The following ANGEL1 variants were observed in gnomAD, a reference collection of about 807,000 sequenced individuals.
ANGEL1 encodes the protein RNA 2',3'-cyclic phosphatase ANGEL1.
In ANGEL1, 62 loss-of-function variants were observed where a neutral mutation model predicts 76.4. The observed-to-expected ratio is 0.81, with a 90% CI of 0.66 to 1.00. The LOEUF (loss-of-function observed/expected upper bound fraction) is 1.00. ANGEL1 is among the 50% of genes least tolerant of loss of function. The probability of loss-of-function intolerance (pLI) is 0.00; values close to 1 mark genes in which losing one functional copy is unlikely to be tolerated. For missense variants in ANGEL1, 737 were observed against 836.7 expected, an observed-to-expected ratio of 0.88 and a Z score of 1.47; for synonymous variants, 340 against 331.7, an observed-to-expected ratio of 1.03 and a Z score of -0.27.
At chr14:76,799,436 G>C (rs1035504283) in intron 7 of ANGEL1, among the ~76,000 whole-genome samples, 1 of 151,764 alleles carries the variant, frequency 6.6e-6, no homozygotes, top group African/African-American at 2.4e-5. Context: ...TGGGACTACA[G>C]GCGCCCGCCA....
chr14:76,791,738 C>G (rs938551164), intron 7 of ANGEL1, among the ~76,000 whole-genome samples: 2 of 152,216 alleles, frequency 1.3e-5, no homozygotes, highest in African/African-American at 4.8e-5. Flanking sequence ...CCAGAAGCCA[C>G]CAATGTTACC....
intron 1 of ANGEL1, 28 bp from the exon 2 acceptor site, chr14:76,809,671 A>C (rs1309593413): frequency 1.3e-6 from 2 of 1,580,278 alleles, no homozygotes; most frequent in Non-Finnish European, 1.7e-6. Flanking sequence ...ATACCAGGTT[A>C]TAAGACTGTC....
Position 76,809,450 on chromosome 14 carries a change from T to A in ANGEL1, c.258A>T (p.Leu86=). 6.2e-7 allele frequency: 1 copy of A among 1,614,220 alleles called. No individual in the cohort carries two copies. Among genetic ancestry groups the A allele is most frequent in the Non-Finnish European group, 8.5e-7 (1 of 1,180,034 alleles). Residue 86 remains leucine (L), a synonymous_variant, in exon 2 of 10, where the codon CTA becomes CTT. Coordinates refer to ENST00000251089, the MANE Select transcript of ANGEL1 (RefSeq NM_015305.4). ...TCAGAAGTGCCAGGCTGCTCTGGGC[T>A]AGTCCTTTATCTATAAGGGGCCCCT... is the stretch of plus-strand genomic sequence containing the variant. ...ASEGPLIDKG[L]AQSSLALLMD... is the part of the protein sequence containing the mutation.
chr14:76,790,604 G>T lies in ANGEL1; in HGVS notation c.1852+7C>A. 6.2e-7 allele frequency: 1 copy of T among 1,609,446 alleles called. No homozygotes were observed. Among genetic ancestry groups the T allele is most frequent in the Non-Finnish European group, 8.5e-7 (1 of 1,176,766 alleles). Reference sequence around the variant, plus strand: ...GGGTGGAGGAACCCAGGATCCATCAGGCTTACCAGTTCTGTTCCCATTCTC... The same window carrying T: ...GGGTGGAGGAACCCAGGATCCATCATGCTTACCAGTTCTGTTCCCATTCTC... On this transcript the variant is annotated splice_region_variant and intron_variant, in intron 9 of 9. Coordinates refer to ENST00000251089, the MANE Select transcript of ANGEL1 (RefSeq NM_015305.4).
At chr14:76,802,070 G>A (rs569370457) in intron 7 of ANGEL1, among the ~76,000 whole-genome samples, 110 of 152,210 alleles carry the variant, frequency 7.2e-4, no homozygotes, top group Middle Eastern at 6.8e-3. Context: ...TACTCGGGAG[G>A]CTGAGGCAAG....
intron 1 of ANGEL1, among the ~76,000 whole-genome samples, chr14:76,811,543 T>G (rs1895086176): frequency 6.8e-6 from 1 of 148,072 alleles, no homozygotes; most frequent in Non-Finnish European, 1.5e-5. Flanking sequence ...GGCCCTCCTC[T>G]GAGATCCCTA....
intron 5 of ANGEL1, among the ~76,000 whole-genome samples, chr14:76,805,836 G>A (rs903242539): frequency 3.3e-5 from 5 of 152,148 alleles, no homozygotes; most frequent in Admixed American, 6.5e-5. Context: ...CTAACTACCC[G>A]CATAACCTAG....
rs1407168207 is a variant in ANGEL1 at position 76,790,288 on chromosome 14, T to G, written c.1852+323A>C. Among the ~76,000 whole-genome samples the G allele has an allele frequency of 3.9e-5, 6 of 152,178 alleles. No homozygotes were observed. The East Asian group carries it at 1.2e-3, about 29-fold the overall frequency. Reference sequence around the variant, plus strand: ...GGGAGAGGAGACAGAAAATAAGGTCTCTTACCTAACCAAGTCCCTCATTCA... The same window carrying G: ...GGGAGAGGAGACAGAAAATAAGGTCGCTTACCTAACCAAGTCCCTCATTCA... On this transcript the variant is annotated intron_variant, in intron 9 of 9. Transcript: ENST00000251089.
At position 76,799,276 on chromosome 14, in the gene ANGEL1, TCC is replaced by T. The variant is rs370667197; in HGVS notation, c.1618+4093_1618+4094del. 7.0e-5 allele frequency among the ~76,000 whole-genome samples: 8 copies of T among 115,088 alleles called. No homozygotes were observed. In the South Asian group the frequency reaches 9.4e-4, roughly 14 times the overall value. The allele number at this position is 115,088 out of a possible 152,430, so 75.5% of individuals were successfully genotyped here. A position where few individuals can be genotyped will look rare whatever the true frequency, so the allele number is the denominator to read the frequency against. Reference sequence around the variant, plus strand: ...ATCTCGTTGTACTCCATTCATGGCCTCCTTTTTTTTTTTTTTTTTTTTTTTTT... The same window carrying T: ...ATCTCGTTGTACTCCATTCATGGCCTTTTTTTTTTTTTTTTTTTTTTTTTT... On this transcript the variant is annotated intron_variant, in intron 7 of 9. Coordinates refer to ENST00000251089, the MANE Select transcript of ANGEL1 (RefSeq NM_015305.4).
At chr14:76,811,642 A>C (rs986450931) in intron 1 of ANGEL1, among the ~76,000 whole-genome samples, 1 of 152,106 alleles carries the variant, frequency 6.6e-6, no homozygotes, top group Non-Finnish European at 1.5e-5. Flanking sequence ...ACATAGTTAA[A>C]AGAATATGTT....
Position 76,788,977 on chromosome 14 carries a change from C to T in ANGEL1, c.*251G>A. The T allele has an allele frequency of 2.2e-6, 1 of 447,570 alleles. No individual in the cohort carries two copies. The highest frequency in any genetic ancestry group is 3.6e-5 in the South Asian group (1 of 27,896). 27.7% of individuals were successfully genotyped at this position (447,570 alleles called of 1,614,324 possible). On this transcript the variant is annotated 3_prime_UTR_variant, in exon 10 of 10. Coordinates refer to ENST00000251089, the MANE Select transcript of ANGEL1 (RefSeq NM_015305.4). Reference sequence around the variant, plus strand: ...TACATGGAAGGAAGGGGGAGCCCCCCTTCTGCCTCTCCCAGGGCCACTGAG... The same window carrying T: ...TACATGGAAGGAAGGGGGAGCCCCCTTTCTGCCTCTCCCAGGGCCACTGAG...
At chr14:76,791,790 C>CCA (rs1367678390) in intron 7 of ANGEL1, among the ~76,000 whole-genome samples, 20 of 152,120 alleles carry the variant, frequency 1.3e-4, no homozygotes, top group Non-Finnish European at 1.8e-4. Flanking sequence ...TATTACATAC[C>CCA]ATCCATTGTG....
rs140724238 is a variant in ANGEL1, at chr14:76,790,616, C to A, written c.1847G>T (p.Arg616Ile). Residue 616 changes from arginine (R) to isoleucine (I), a missense_variant, in exon 9 of 10, where the codon AGA becomes ATA. By Grantham distance (97) the Arg-to-Ile change is moderately conservative. Around this residue, in one of 2 missense-constraint regions of ANGEL1, gnomAD observed 296 missense variants for 387.2 expected, o/e 0.76. Coordinates refer to ENST00000251089, the MANE Select transcript of ANGEL1 (RefSeq NM_015305.4). ...CCAGGATCCATCAGGCTTACCAGTT[C>A]TGTTCCCATTCTCACAGGACTCAGC... ...FSAESCENGN[R>I]TDHRLYRDGT... The A allele has an allele frequency of 7.4e-6, 12 of 1,613,058 alleles. No homozygotes were observed. The African/African-American group carries it at 1.3e-4, about 18-fold the overall frequency.
intron 5 of ANGEL1, among the ~76,000 whole-genome samples, chr14:76,805,407 A>C (rs953682847): frequency 4.4e-4 from 67 of 152,210 alleles, no homozygotes; most frequent in African/African-American, 1.5e-3. Context: ...CCTTTAGGGC[A>C]AGATCATGCC....
intron 4 of ANGEL1, 106 bp downstream of exon 4, chr14:76,807,327 G>T: frequency 8.7e-7 from 1 of 1,148,834 alleles, no homozygotes; most frequent in Non-Finnish European, 1.3e-6. Context: ...GCTCACAGGT[G>T]AAACTGAGGG....
chr14:76,811,889 A>G (rs1895097939), intron 1 of ANGEL1, among the ~76,000 whole-genome samples: 1 of 152,210 alleles, frequency 6.6e-6, no homozygotes, highest in Admixed American at 6.5e-5. Context: ...AATGACACAC[A>G]CATTGCGTAC....
chr14:76,803,482 C>G lies in ANGEL1; in HGVS notation c.1508-1G>C, dbSNP rs932732869. 7 of 1,613,940 alleles carry G rather than the reference C, an allele frequency of 4.3e-6. No individual in the cohort carries two copies. The highest frequency in any genetic ancestry group is 5.1e-6 in the Non-Finnish European group (6 of 1,179,956). On this transcript the variant is annotated splice_acceptor_variant, in intron 6 of 9. Coordinates refer to ENST00000251089, the MANE Select transcript of ANGEL1 (RefSeq NM_015305.4). LOFTEE classifies it high-confidence loss of function. ...AAGTCTCGGCCATACTTGCGTCTCT[C>G]TGTAAACCAGGAAAAGACATATAGT...
rs1224857937 is a variant in ANGEL1, at chr14:76,791,294, T to C, written c.1688+3A>G. On this transcript the variant is annotated splice_donor_region_variant and intron_variant, in intron 8 of 9. Coordinates refer to ENST00000251089, the MANE Select transcript of ANGEL1 (RefSeq NM_015305.4). ...AAAACAGAAGAGAACTGGAGAAGGTTACCTGGAGAAGGCAGGCTCAAGCTC... is the reference window on the plus strand; with the variant it reads ...AAAACAGAAGAGAACTGGAGAAGGTCACCTGGAGAAGGCAGGCTCAAGCTC... The C allele has an allele frequency of 1.2e-6, 2 of 1,614,006 alleles. No homozygotes were observed. The highest frequency in any genetic ancestry group is 1.7e-5 in the Admixed American group (1 of 60,022).
intron 7 of ANGEL1, among the ~76,000 whole-genome samples, chr14:76,791,667 G>A (rs1428620590): frequency 6.6e-6 from 1 of 152,058 alleles, no homozygotes; most frequent in Non-Finnish European, 1.5e-5. Context: ...TCAAAATGTA[G>A]CAAAAAGTAT....
Sources: allele counts gnomAD v4.1 joint callset (sites outside exome capture counted in the v4.1 genomes callset), GRCh38; gene constraint gnomAD v4.1.1; regional missense constraint gnomAD v4.1.1; transcripts MANE v1.5; gene names NCBI Gene and HGNC (gene_info 2026-07-23, HGNC 2026-07-21).